Variants in MAP4K1 observed in about 807,000 individuals in gnomAD.
The protein encoded by MAP4K1 is MAPK/ERK kinase kinase kinase 1.
In MAP4K1, 35 loss-of-function variants were observed where a neutral mutation model predicts 122.8. That is an observed-to-expected ratio of 0.29 (90% CI 0.22 to 0.38). MAP4K1 has a LOEUF of 0.38. Among genes scored for constraint, MAP4K1 ranks in the 10% least tolerant of loss-of-function variants. The pLI is 1.00. For synonymous variants in MAP4K1, 412 were observed against 421.3 expected, an observed-to-expected ratio of 0.98 and a Z score of 0.27; for missense variants, 791 against 1,072.6, an observed-to-expected ratio of 0.74 and a Z score of 3.67.
At chr19:38,595,354 G>T in intron 29 of MAP4K1, 131 bp downstream of exon 29, 1 of 692,938 alleles carries the variant, frequency 1.4e-6, no homozygotes, top group East Asian at 2.8e-5. Context: ...GGATCTATCT[G>T]AACTGAAATT....
intron 15 of MAP4K1, 23 bp from the exon 16 acceptor site, chr19:38,607,934 C>G: frequency 1.2e-6 from 2 of 1,612,202 alleles, no homozygotes; most frequent in Non-Finnish European, 8.5e-7. Context: ...AGGTATGAGC[C>G]TTGGGGGCCT....
intron 26 of MAP4K1, 150 bp from the exon 27 acceptor site, chr19:38,596,151 C>G (rs1202368562): frequency 7.8e-7 from 1 of 1,284,044 alleles, no homozygotes; most frequent in Non-Finnish European, 1.1e-6. Flanking sequence ...CCCACCCCAT[C>G]ATCAATCTCC....
chr19:38,594,900 C>G (rs1010788530), intron 29 of MAP4K1, among the ~76,000 whole-genome samples: 6 of 152,028 alleles, frequency 3.9e-5, no homozygotes, highest in African/African-American at 1.5e-4. Context: ...GAGATCGCGC[C>G]ACTACACTCC....
chr19:38,616,351 C>CTTATTG, intron 3 of MAP4K1, 92 bp from the exon 4 acceptor site: 2 of 948,242 alleles, frequency 2.1e-6, no homozygotes, highest in Non-Finnish European at 1.6e-6. Flanking sequence ...TGTTCTAGTT[C>CTTATTG]AATAAGAACT....
chr19:38,589,514 CA>C (rs1386605692), intron 30 of MAP4K1, among the ~76,000 whole-genome samples: 1 of 151,074 alleles, frequency 6.6e-6, no homozygotes, highest in African/African-American at 2.4e-5. Context: ...CTCCCGGGTT[CA>C]AGCGCTTCTC....
chr19:38,603,177 TAC>T (rs1440968580), intron 19 of MAP4K1, among the ~76,000 whole-genome samples: 1 of 149,648 alleles, frequency 6.7e-6, no homozygotes, highest in Non-Finnish European at 1.5e-5. Context: ...TATACACATG[TAC>T]ATATATACGC....
chr19:38,599,265 T>C (rs1266420934), intron 22 of MAP4K1, among the ~76,000 whole-genome samples: 3 of 149,510 alleles, frequency 2.0e-5, no homozygotes, highest in Non-Finnish European at 4.4e-5. Context: ...CGAGAATTGC[T>C]TGAACCCAGG....
At chr19:38,611,350 G>A in intron 9 of MAP4K1, 45 bp from the exon 10 acceptor site, 1 of 1,354,396 alleles carries the variant, frequency 7.4e-7, no homozygotes, top group Non-Finnish European at 1.1e-6. Flanking sequence ...CCTCAAGGGG[G>A]CCAGACCTCA....
Position 38,617,806 on chromosome 19 carries a change from T to A in MAP4K1, c.90A>T (p.Glu30Asp), listed in dbSNP as rs1462802272. 1 of 1,614,042 alleles carries A rather than the reference T, an allele frequency of 6.2e-7. No homozygotes were observed. The highest frequency in any genetic ancestry group is 2.2e-5 in the East Asian group (1 of 44,876). Residue 30 changes from glutamate to aspartate, a missense_variant, in exon 1 of 31, where the codon GAA becomes GAT. Coordinates refer to ENST00000396857, the MANE Select transcript of MAP4K1 (RefSeq NM_001042600.3). The surrounding 1 kb of genome is among the most constrained non-coding windows in gnomAD (Gnocchi z 4.1). ...AGAGGGGCTTCCTCACCTTAAAGAC[T>A]TCCCCATACGTGCCGCCACCCAGCC... ...LQRLGGGTYG[E>D]VFKARDKVSG...
At chr19:38,602,923 C>A (rs1385208795) in intron 19 of MAP4K1, among the ~76,000 whole-genome samples, 2 of 147,300 alleles carry the variant, frequency 1.4e-5, no homozygotes, top group Non-Finnish European at 3.0e-5. Flanking sequence ...TACACATATA[C>A]GCATATACAT....
intron 16 of MAP4K1, 60 bp downstream of exon 16, chr19:38,607,804 A>T (rs1975373545): frequency 6.4e-7 from 1 of 1,564,516 alleles, no homozygotes; most frequent in Non-Finnish European, 8.7e-7. Context: ...ACATCAGGGG[A>T]TTGTAGGAAG....
chr19:38,602,539 C>CACATATACAT (rs1568630003), intron 19 of MAP4K1, among the ~76,000 whole-genome samples: 4 of 147,966 alleles, frequency 2.7e-5, no homozygotes, highest in African/African-American at 1.0e-4. Context: ...CATATATACA[C>CACATATACAT]ATATACATAT....
chr19:38,612,279 G>T (rs529566411), intron 9 of MAP4K1, among the ~76,000 whole-genome samples: 254 of 151,726 alleles, frequency 1.7e-3, no homozygotes, highest in Non-Finnish European at 3.0e-3. Flanking sequence ...AATTAGCCGG[G>T]CGTGGTGGTG....
In MAP4K1 at chr19:38,605,455, T is replaced by C; in HGVS notation, c.1400A>G (p.Asp467Gly). 1 of 1,600,156 alleles carries C rather than the reference T, an allele frequency of 6.2e-7. No homozygotes were observed. Among genetic ancestry groups the C allele is most frequent in the Non-Finnish European group, 8.5e-7 (1 of 1,174,752 alleles). ...CTTGGGGGGCAGAAGTGGGGGCTTGTCAAGCTCCCGGGAGGGTGGGTTCCA... is the reference window on the plus strand; with the variant it reads ...CTTGGGGGGCAGAAGTGGGGGCTTGCCAAGCTCCCGGGAGGGTGGGTTCCA... ...SLWNPPSREL[D>G]KPPLLPPKKE... The change falls in exon 19 of 31, where the codon GAC becomes GGC. Residue 467 changes from aspartate to glycine, a missense_variant. By Grantham distance (94) the Asp-to-Gly change is moderately conservative (BLOSUM62 -1). This residue lies in a region of MAP4K1 where 303 missense variants were observed against 344.8 expected (regional missense o/e 0.88). Coordinates refer to ENST00000396857, the MANE Select transcript of MAP4K1 (RefSeq NM_001042600.3).
intron 22 of MAP4K1, among the ~76,000 whole-genome samples, chr19:38,599,393 G>T (rs948292413): frequency 6.7e-6 from 1 of 150,194 alleles, no homozygotes; most frequent in African/African-American, 2.5e-5. Flanking sequence ...CAGGTGTGGT[G>T]GCTCATGCCT....
chr19:38,605,333 G>T (rs1975291702), intron 19 of MAP4K1, 76 bp downstream of exon 19: 2 of 1,125,614 alleles, frequency 1.8e-6, no homozygotes, highest in Admixed American at 2.1e-5. Flanking sequence ...TGTCAGTCCT[G>T]CCACCCCCTC....
chr19:38,610,134 T>A, intron 11 of MAP4K1, 109 bp from the exon 12 acceptor site: 1 of 735,130 alleles, frequency 1.4e-6, no homozygotes, highest in Non-Finnish European at 2.4e-6. Context: ...TAAAGGAATC[T>A]AGCTGGGGAG....
At chr19:38,612,816 G>C in intron 8 of MAP4K1, 74 bp from the exon 9 acceptor site, 1 of 1,503,808 alleles carries the variant, frequency 6.6e-7, no homozygotes, top group South Asian at 1.1e-5. Context: ...AGAAGGAGAA[G>C]GAGTTGAGGG....
At chr19:38,616,067 T>G in intron 4 of MAP4K1, 128 bp downstream of exon 4, 1 of 626,664 alleles carries the variant, frequency 1.6e-6, no homozygotes, top group Non-Finnish European at 2.6e-6. Flanking sequence ...AGCCCAGGAG[T>G]TTGAAATATG....
Sources: gnomAD v4.1 joint callset for allele counts (sites outside exome capture counted in the v4.1 genomes callset) on GRCh38, gnomAD v4.1.1 for gene constraint, gnomAD v4.1.1 regional missense constraint, Gnocchi (gnomAD v3.1) non-coding constraint, MANE v1.5 for transcripts, NCBI Gene and HGNC (gene_info 2026-07-23, HGNC 2026-07-21) for gene names.